The following FLT1 variants were observed in gnomAD, a reference collection of about 807,000 sequenced individuals.
The protein encoded by FLT1 is fms related receptor tyrosine kinase 1.
FLT1 carries 49 observed loss-of-function variants against 156.3 expected under a neutral mutation model. That is an observed-to-expected ratio of 0.31 (90% CI 0.25 to 0.40). FLT1 has a LOEUF of 0.40. Ranked by LOEUF, FLT1 falls within the 10% of genes least tolerant of loss-of-function variation. The pLI is 1.00. For missense variants in FLT1, 1,322 were observed against 1,637.2 expected (o/e 0.81, Z 3.32); for synonymous variants, 594 against 583.8 (o/e 1.02, Z -0.25).
chr13:28,389,018 G>T, intron 13 of FLT1: 2 of 1,064,936 alleles, frequency 1.9e-6, no homozygotes, highest in Non-Finnish European at 2.3e-6. Flanking sequence ...GGAGGGAGGG[G>T]ACGTTGATTT....
chr13:28,405,924 G>A (rs2137493162), intron 10 of FLT1, 30 bp from the exon 11 acceptor site: 1 of 1,172,582 alleles, frequency 8.5e-7, no homozygotes, highest in Admixed American at 1.7e-5. Flanking sequence ...TCACAATGTG[G>A]CTTTACAGCA....
intron 16 of FLT1, among the ~76,000 whole-genome samples, chr13:28,341,935 TGCAGC>T (rs889706973): frequency 1.7e-4 from 26 of 152,138 alleles, no homozygotes; most frequent in African/African-American, 6.3e-4. Flanking sequence ...TAGGCTGGAG[TGCAGC>T]GATATGATCT....
intron 14 of FLT1, among the ~76,000 whole-genome samples, chr13:28,379,570 G>C (rs1190326122): frequency 6.6e-6 from 1 of 152,208 alleles, no homozygotes; most frequent in Non-Finnish European, 1.5e-5. Flanking sequence ...GGTGCTGGGA[G>C]TTGGGCACGC....
At chr13:28,468,182 G>C (rs1299837268) in intron 1 of FLT1, among the ~76,000 whole-genome samples, 2 of 152,078 alleles carry the variant, frequency 1.3e-5, no homozygotes, top group Non-Finnish European at 2.9e-5. Flanking sequence ...TCCTCATTTG[G>C]AAAACTAATT....
intron 29 of FLT1, among the ~76,000 whole-genome samples, chr13:28,305,038 G>C (rs1360766617): frequency 1.3e-5 from 2 of 152,136 alleles, no homozygotes; most frequent in African/African-American, 4.8e-5. Context: ...TTTCTCTTGA[G>C]TATATGCCTA....
chr13:28,355,736 C>G (rs1872875192), intron 15 of FLT1, among the ~76,000 whole-genome samples: 1 of 152,216 alleles, frequency 6.6e-6, no homozygotes, highest in South Asian at 2.1e-4. Flanking sequence ...AAACGACTGA[C>G]TCTAATCCAA....
At chr13:28,412,610 C>T (rs910539547) in intron 10 of FLT1, among the ~76,000 whole-genome samples, 15 of 151,096 alleles carry the variant, frequency 9.9e-5, no homozygotes, top group African/African-American at 3.6e-4. Flanking sequence ...TTAGTAGAGA[C>T]GGGTTTTGCC....
At chr13:28,445,908 TAA>T (rs1878588755) in intron 3 of FLT1, among the ~76,000 whole-genome samples, 1 of 152,046 alleles carries the variant, frequency 6.6e-6, no homozygotes, top group Non-Finnish European at 1.5e-5. Flanking sequence ...AAAAACTCAA[TAA>T]AGTACTAGCA....
At position 28,431,363 on chromosome 13, in the gene FLT1, G is replaced by A. The variant is rs1353014482; in HGVS notation, c.814-53C>T. On this transcript the variant is annotated intron_variant, in intron 6 of 29. Coordinates refer to ENST00000282397, the MANE Select transcript of FLT1 (RefSeq NM_002019.4). ...GAAGGAGTGAGTGTTCATGCTTAAA[G>A]TTATATAGGATTTTAACATTTCTTA... is the stretch of plus-strand genomic sequence containing the variant. The A allele has an allele frequency of 3.1e-6, 4 of 1,270,924 alleles. No individual in the cohort carries two copies. The African/African-American group carries it at 4.4e-5, about 14-fold the overall frequency. 78.7% of individuals were successfully genotyped at this position (1,270,924 alleles called of 1,614,324 possible).
At chr13:28,472,822 C>A (rs1322263462) in intron 1 of FLT1, among the ~76,000 whole-genome samples, 1 of 152,156 alleles carries the variant, frequency 6.6e-6, no homozygotes, top group African/African-American at 2.4e-5. Flanking sequence ...TCCTTTCCAG[C>A]TAAAAATTCT....
rs368253190 is a variant in FLT1 at position 28,306,740 on chromosome 13, G to A, written c.3753C>T (p.Ala1251=). ...AGGTGAAGCGCTTCAGCATGGGAGA[G>A]GCCAACAGAGTGCTGCTGTCGCCCT... The part of the protein sequence containing the change: ...DYQGDSSTLL[A]SPMLKRFTWT... Residue 1251 remains alanine (A), a synonymous_variant, in exon 29 of 30, where the codon GCC becomes GCT. Coordinates refer to ENST00000282397, the MANE Select transcript of FLT1 (RefSeq NM_002019.4). The A allele has an allele frequency of 7.4e-6, 12 of 1,613,836 alleles. No homozygotes were observed. The highest frequency in any genetic ancestry group is 4.0e-5 in the African/African-American group (3 of 75,014).
intron 3 of FLT1, among the ~76,000 whole-genome samples, chr13:28,446,573 G>C (rs999303652): frequency 1.3e-5 from 2 of 152,150 alleles, no homozygotes; most frequent in African/African-American, 4.8e-5. Flanking sequence ...AGAATAATGT[G>C]TTTAGGAATA....
At chr13:28,384,624 C>A (rs1213679620) in intron 14 of FLT1, among the ~76,000 whole-genome samples, 1 of 152,160 alleles carries the variant, frequency 6.6e-6, no homozygotes, top group Non-Finnish European at 1.5e-5. Context: ...CTTCTCATTT[C>A]TTTCTGAATG....
intron 3 of FLT1, among the ~76,000 whole-genome samples, chr13:28,459,868 C>G (rs73158196): frequency 5.9e-4 from 90 of 152,364 alleles, no homozygotes; most frequent in Non-Finnish European, 1.0e-3. Context: ...CAGTGCTGAC[C>G]TGCATGAAAG....
intron 14 of FLT1, among the ~76,000 whole-genome samples, chr13:28,373,624 ACATGAAAG>A (rs1002610616): frequency 2.3e-4 from 35 of 152,202 alleles, no homozygotes; most frequent in African/African-American, 8.2e-4. Flanking sequence ...TTTTGCAAAA[ACATGAAAG>A]CATGAAAGCA....
At chr13:28,318,469 A>T (rs963243633) in intron 24 of FLT1, among the ~76,000 whole-genome samples, 4 of 151,706 alleles carry the variant, frequency 2.6e-5, no homozygotes, top group African/African-American at 9.7e-5. Context: ...CTTCTAATGC[A>T]CTCTTGCTCT....
At chr13:28,490,894 G>T (rs796558033) in intron 1 of FLT1, among the ~76,000 whole-genome samples, 7 of 152,202 alleles carry the variant, frequency 4.6e-5, no homozygotes, top group African/African-American at 1.7e-4. Flanking sequence ...AATTAGACAC[G>T]CCTGGCCTCT....
chr13:28,475,569 A>G (rs1880497222), intron 1 of FLT1, among the ~76,000 whole-genome samples: 1 of 152,228 alleles, frequency 6.6e-6, no homozygotes, highest in Admixed American at 6.5e-5. Flanking sequence ...GAAATCTCAT[A>G]GACTAAATCT....
At chr13:28,448,304 C>T (rs1351142239) in intron 3 of FLT1, among the ~76,000 whole-genome samples, 1 of 152,206 alleles carries the variant, frequency 6.6e-6, no homozygotes, top group South Asian at 2.1e-4. Context: ...AAAGCTTGTA[C>T]ACAAATGTTT....
Sources: gnomAD v4.1 joint callset for allele counts (sites outside exome capture counted in the v4.1 genomes callset) on GRCh38, gnomAD v4.1.1 for gene constraint, MANE v1.5 for transcripts, NCBI Gene and HGNC (gene_info 2026-07-23, HGNC 2026-07-21) for gene names.